TIAM1: variants seen among roughly 807,000 people sequenced by gnomAD.
The protein encoded by TIAM1 is TIAM Rac1 associated GEF 1.
A neutral mutation model predicts 163.5 loss-of-function variants in TIAM1; 65 were observed. The ratio of observed to expected loss-of-function variants is 0.40; its 90% confidence interval spans 0.33 to 0.49. TIAM1 has a LOEUF of 0.49. Among genes scored for constraint, TIAM1 ranks in the 20% least tolerant of loss-of-function variants. The pLI is 0.77. For synonymous variants in TIAM1, 833 were observed against 810.1 expected, an observed-to-expected ratio of 1.03 and a Z score of -0.48; for missense variants, 1,789 against 2,044.7, an observed-to-expected ratio of 0.87 and a Z score of 2.41.
intron 1 of TIAM1, among the ~76,000 whole-genome samples, chr21:31,472,815 T>C (rs1446807659): frequency 1.3e-5 from 2 of 152,210 alleles, no homozygotes; most frequent in East Asian, 3.9e-4. Flanking sequence ...ACAAGATTAG[T>C]GGAGGATTAA....
Position 31,154,435 on chromosome 21 carries a change from C to A in TIAM1, c.2992-9G>T. ...GCCACCTGTTCTGTACTCTTCGGAG[C>A]ACAGGGGGGAAGGGAAGGCAGAGGT... On this transcript the variant is annotated splice_polypyrimidine_tract_variant and intron_variant, in intron 16 of 27. Coordinates refer to ENST00000541036, the MANE Select transcript of TIAM1 (RefSeq NM_001353694.2). 5 of 1,610,432 alleles carry A rather than the reference C, an allele frequency of 3.1e-6. No homozygotes were observed. The highest frequency in any genetic ancestry group is 4.2e-6 in the Non-Finnish European group (5 of 1,177,380).
At chr21:31,548,136 T>A (rs2048559139) in intron 1 of TIAM1, among the ~76,000 whole-genome samples, 2 of 35,598 alleles carry the variant, frequency 5.6e-5, no homozygotes, top group Non-Finnish European at 4.7e-5. Flanking sequence ...TTGTGTCTTT[T>A]TTTTTTTTTT....
In TIAM1 at chr21:31,523,413, T is replaced by C. The variant is rs74911810; in HGVS notation, c.-422+35514A>G. Among the ~76,000 whole-genome samples the C allele has an allele frequency of 3.4e-3, 525 of 152,268 alleles. 3 individuals carry two copies. The highest frequency in any genetic ancestry group is 0.012 in the African/African-American group (506 of 41,556). On this transcript the variant is annotated intron_variant, in intron 1 of 28. Transcript: ENST00000286827. ...AGAACAAGTCATATGCACCACTCAT[T>C]TAAGACTCTTCAAAATGCAGAAAGA... is the stretch of plus-strand genomic sequence containing the variant.
intron 2 of TIAM1, among the ~76,000 whole-genome samples, chr21:31,423,050 T>C (rs912475710): frequency 6.6e-6 from 1 of 151,158 alleles, no homozygotes; most frequent in Non-Finnish European, 1.5e-5. Flanking sequence ...TACACACTGA[T>C]TGAGGGGGTT....
At chr21:31,202,160 T>G (rs1195543427) in intron 12 of TIAM1, among the ~76,000 whole-genome samples, 2 of 152,112 alleles carry the variant, frequency 1.3e-5, no homozygotes, top group Non-Finnish European at 2.9e-5. Context: ...CAACAAGATT[T>G]GATCCAGCAG....
intron 2 of TIAM1, among the ~76,000 whole-genome samples, chr21:31,294,961 G>A (rs999674201): frequency 3.9e-5 from 6 of 152,164 alleles, no homozygotes; most frequent in Non-Finnish European, 7.3e-5. Flanking sequence ...TCTGCGCTGC[G>A]CCACCCAGCA....
In TIAM1 at chr21:31,252,063, C is replaced by A; in HGVS notation, c.1090G>T (p.Ala364Ser). Reference sequence around the variant, plus strand: ...CTGCCGCTGTCGCTGCCCACAAAGGCCCGGCCTGTGGTGGGTGAGTAGCTG... The same window carrying A: ...CTGCCGCTGTCGCTGCCCACAAAGGACCGGCCTGTGGTGGGTGAGTAGCTG... The part of the protein sequence containing the change: ...NSSYSPTTGR[A>S]FVGSDSGSSS... The change falls in exon 5 of 28, where the codon GCC becomes TCC. Residue 364 changes from alanine (A) to serine (S), a missense_variant. Physicochemically the swap from Ala to Ser is moderately conservative, Grantham distance 99. Coordinates refer to ENST00000541036, the MANE Select transcript of TIAM1 (RefSeq NM_001353694.2). 7.4e-6 allele frequency: 12 copies of A among 1,614,064 alleles called. No homozygotes were observed. Among genetic ancestry groups the A allele is most frequent in the Non-Finnish European group, 9.3e-6 (11 of 1,180,040 alleles).
chr21:31,157,793 T>C (rs1184349966), intron 16 of TIAM1, among the ~76,000 whole-genome samples: 1 of 152,192 alleles, frequency 6.6e-6, no homozygotes, highest in African/African-American at 2.4e-5. Context: ...TTTTTTCACA[T>C]AAACGTTATG....
At chr21:31,489,574 C>T (rs1047168904) in intron 1 of TIAM1, among the ~76,000 whole-genome samples, 1 of 36,292 alleles carries the variant, frequency 2.8e-5, no homozygotes, top group Non-Finnish European at 5.2e-5. Context: ...AGTGCAGACC[C>T]CCCCCCCCTT....
At chr21:31,532,521 C>G (rs535159846) in intron 1 of TIAM1, among the ~76,000 whole-genome samples, 1 of 152,182 alleles carries the variant, frequency 6.6e-6, no homozygotes, top group Non-Finnish European at 1.5e-5. Context: ...GCTATTGTTA[C>G]TCACAATAGG....
At position 31,147,008 on chromosome 21, in the gene TIAM1, A is replaced by AT. The variant is rs2083151437; in HGVS notation, c.3367-6dup. 19 of 1,611,636 alleles carry AT rather than the reference A, an allele frequency of 1.2e-5. No homozygotes were observed. The highest frequency in any genetic ancestry group is 1.5e-5 in the Non-Finnish European group (18 of 1,177,878). On this transcript the variant is annotated splice_polypyrimidine_tract_variant and splice_region_variant and intron_variant, in intron 19 of 27. Transcript: ENST00000541036. ...CCCCAGAGAGAACAGCACTTTCTGG[A>AT]TTTGACGAGAAAAGGCACAGTTGGT...
At chr21:31,518,921 C>A (rs2047472848) in intron 1 of TIAM1, among the ~76,000 whole-genome samples, 1 of 152,154 alleles carries the variant, frequency 6.6e-6, no homozygotes, top group Non-Finnish European at 1.5e-5. Flanking sequence ...AAATAAAAGA[C>A]AAATGGCTCA....
intron 11 of TIAM1, 134 bp from the exon 12 acceptor site, chr21:31,203,146 G>T (rs1210533091): frequency 2.6e-6 from 2 of 773,016 alleles, no homozygotes; most frequent in East Asian, 2.7e-5. Flanking sequence ...TTTTGAGATG[G>T]AGTTTCACTC....
intron 2 of TIAM1, among the ~76,000 whole-genome samples, chr21:31,328,126 A>G (rs1358556762): frequency 6.6e-6 from 1 of 151,662 alleles, no homozygotes; most frequent in Non-Finnish European, 1.5e-5. Flanking sequence ...CTCCAATGTC[A>G]CCCATGCAGT....
intron 1 of TIAM1, among the ~76,000 whole-genome samples, chr21:31,506,815 G>A (rs1031418578): frequency 2.0e-5 from 3 of 152,220 alleles, no homozygotes; most frequent in African/African-American, 7.2e-5. Flanking sequence ...CTACCTGGGT[G>A]GTTGAGGCAG....
intron 2 of TIAM1, among the ~76,000 whole-genome samples, chr21:31,294,801 G>C (rs1256802873): frequency 6.6e-6 from 1 of 152,136 alleles, no homozygotes; most frequent in Non-Finnish European, 1.5e-5. Flanking sequence ...CAGCCTTCTG[G>C]TTCTGCGGCT....
At chr21:31,452,993 C>G (rs1295733089) in intron 2 of TIAM1, 1 of 495,536 alleles carries the variant, frequency 2.0e-6, no homozygotes, top group Non-Finnish European at 4.1e-6. Flanking sequence ...GGAAGAAAAA[C>G]AGAACGGTCA....
chr21:31,416,468 C>T (rs1274321699), intron 2 of TIAM1, among the ~76,000 whole-genome samples: 1 of 151,894 alleles, frequency 6.6e-6, no homozygotes, highest in Non-Finnish European at 1.5e-5. Context: ...TATCCCTTAC[C>T]CCCTTCCCAA....
chr21:31,490,110 A>T (rs1439799216), intron 1 of TIAM1, among the ~76,000 whole-genome samples: 1 of 152,070 alleles, frequency 6.6e-6, no homozygotes, highest in Non-Finnish European at 1.5e-5. Flanking sequence ...CACCATAAAA[A>T]CCTACTGTAT....
Sources: allele counts gnomAD v4.1 joint callset (sites outside exome capture counted in the v4.1 genomes callset), GRCh38; gene constraint gnomAD v4.1.1; transcripts MANE v1.5; gene names NCBI Gene and HGNC (gene_info 2026-07-23, HGNC 2026-07-21).